Variants in RANBP3L observed in about 807,000 individuals in gnomAD.
The protein encoded by RANBP3L is RAN binding protein 3 like, also known as ran-binding protein 3-like.
A neutral mutation model predicts 67.2 loss-of-function variants in RANBP3L; 56 were observed. The ratio of observed to expected loss-of-function variants is 0.83; its 90% CI spans 0.67 to 1.04. The LOEUF (loss-of-function observed/expected upper bound fraction) is 1.04, where lower values mean the gene tolerates loss of function less well. Ranked by LOEUF, RANBP3L falls within the 50% of genes least tolerant of loss-of-function variation. The pLI, the probability that RANBP3L is intolerant of heterozygous loss-of-function variation, is 0.00. For missense variants in RANBP3L, 496 were observed against 535.5 expected, an observed-to-expected ratio of 0.93 and a Z score of 0.73; for synonymous variants, 164 against 181.4, an observed-to-expected ratio of 0.90 and a Z score of 0.77.
chr5:36,290,337 C>T (rs1366452089), intron 1 of RANBP3L, among the ~76,000 whole-genome samples: 1 of 151,940 alleles, frequency 6.6e-6, no homozygotes, highest in Non-Finnish European at 1.5e-5. Context: ...ATGCCTCAGC[C>T]TCCTGAATAG....
Position 36,247,863 on chromosome 5 carries a change from G to C in RANBP3L, c.*1791C>G, listed in dbSNP as rs1378960687. The stretch of plus-strand genomic sequence containing the variant: ...AAATCGTGCCACTGCACTCCAACCT[G>C]GGTGACAGAGCGAGACTCTGTCTAA... On this transcript the variant is annotated 3_prime_UTR_variant, in exon 14 of 14. Coordinates refer to ENST00000296604, the MANE Select transcript of RANBP3L (RefSeq NM_145000.5). Among the ~76,000 whole-genome samples the C allele has an allele frequency of 6.6e-6, 1 of 152,190 alleles. No homozygotes were observed. Among genetic ancestry groups the C allele is most frequent in the African/African-American group, 2.4e-5 (1 of 41,438 alleles).
intron 13 of RANBP3L, among the ~76,000 whole-genome samples, chr5:36,250,315 A>C (rs913547560): frequency 6.6e-6 from 1 of 151,994 alleles, no homozygotes; most frequent in South Asian, 2.1e-4. Context: ...AGATTTGCTT[A>C]AAGTAGCAAA....
intron 2 of RANBP3L, 123 bp downstream of exon 2, chr5:36,271,130 C>G: frequency 1.5e-6 from 1 of 665,040 alleles, no homozygotes; most frequent in Non-Finnish European, 2.7e-6. Flanking sequence ...TCTGGAGGCA[C>G]TACTCTGCTA....
chr5:36,257,130 C>A (rs1448149245), intron 9 of RANBP3L, 59 bp from the exon 10 acceptor site: 4 of 1,461,362 alleles, frequency 2.7e-6, no homozygotes, highest in African/African-American at 2.8e-5. Context: ...TGTGAAAGTT[C>A]TTTGTTGCCC....
rs1209869779 is a variant in RANBP3L, at chr5:36,297,159, ATG to A, written c.91+4165_91+4166del. Among the ~76,000 whole-genome samples the A allele has an allele frequency of 6.6e-5, 10 of 152,060 alleles. No homozygotes were observed. In the East Asian group the frequency reaches 1.7e-3, roughly 26 times the overall value. On this transcript the variant is annotated intron_variant, in intron 1 of 13. Coordinates refer to ENST00000296604, the MANE Select transcript of RANBP3L (RefSeq NM_145000.5). The stretch of plus-strand genomic sequence containing the variant: ...GATTAATACATATTTTATATATTAT[ATG>A]TGTTATATACTGTATTCTTATGATA...
intron 4 of RANBP3L, chr5:36,268,141 A>G: frequency 8.4e-7 from 1 of 1,190,414 alleles, no homozygotes; most frequent in Non-Finnish European, 1.2e-6. Context: ...ATTAATAAGA[A>G]TGATTTTGAA....
chr5:36,297,316 G>A (rs1174454394), intron 1 of RANBP3L, among the ~76,000 whole-genome samples: 2 of 151,866 alleles, frequency 1.3e-5, no homozygotes, highest in Admixed American at 6.6e-5. Context: ...CTGAGGAGGG[G>A]GAGGAAGAGG....
chr5:36,296,173 GC>G (rs1752203065), intron 1 of RANBP3L, among the ~76,000 whole-genome samples: 1 of 152,150 alleles, frequency 6.6e-6, no homozygotes, highest in Non-Finnish European at 1.5e-5. Context: ...AAAGTACAGA[GC>G]TTTCCTCAAT....
intron 1 of RANBP3L, among the ~76,000 whole-genome samples, chr5:36,282,616 C>G (rs1375354195): frequency 2.0e-5 from 3 of 152,144 alleles, no homozygotes; most frequent in African/African-American, 7.2e-5. Flanking sequence ...TTGTCTTGAG[C>G]CTTTGAGCAC....
intron 1 of RANBP3L, among the ~76,000 whole-genome samples, chr5:36,282,705 G>A (rs1302253173): frequency 5.9e-5 from 9 of 152,162 alleles, no homozygotes; most frequent in African/African-American, 1.9e-4. Flanking sequence ...GTCTTTGGCA[G>A]TCTATTCAGG....
chr5:36,291,402 T>TATG (rs1399409654), intron 1 of RANBP3L, among the ~76,000 whole-genome samples: 1 of 151,710 alleles, frequency 6.6e-6, no homozygotes, highest in Non-Finnish European at 1.5e-5. Flanking sequence ...TATTTATTTT[T>TATG]ATTATTATTA....
intron 1 of RANBP3L, among the ~76,000 whole-genome samples, chr5:36,279,441 T>TACTA (rs1750822658): frequency 6.6e-6 from 1 of 152,146 alleles, no homozygotes; most frequent in South Asian, 2.1e-4. Flanking sequence ...AGCATGACAT[T>TACTA]ACTAACTGTG....
At chr5:36,252,114 G>A (rs188613458) in intron 12 of RANBP3L, among the ~76,000 whole-genome samples, 34 of 151,706 alleles carry the variant, frequency 2.2e-4, no homozygotes, top group Admixed American at 4.6e-4. Context: ...TATTAATTTC[G>A]TTTATATTAG....
Position 36,249,717 on chromosome 5 carries a change from T to C in RANBP3L, c.1355-20A>G, listed in dbSNP as rs746555331. On this transcript the variant is annotated intron_variant, in intron 13 of 13. Coordinates refer to ENST00000296604, the MANE Select transcript of RANBP3L (RefSeq NM_145000.5). ...AAGGATCTGTGATATAAATTTAAAATGTTTTATTATACAATATTATATTTA... is the reference window on the plus strand; with the variant it reads ...AAGGATCTGTGATATAAATTTAAAACGTTTTATTATACAATATTATATTTA... 6.3e-6 allele frequency: 9 copies of C among 1,435,672 alleles called. No individual in the cohort carries two copies. In the African/African-American group the frequency reaches 1.3e-4, roughly 20 times the overall value. 88.9% of individuals were successfully genotyped at this position (1,435,672 alleles called of 1,614,324 possible). A position where few individuals can be genotyped will look rare whatever the true frequency, so the allele number is the denominator to read the frequency against.
intron 6 of RANBP3L, 54 bp from the exon 7 acceptor site, chr5:36,262,096 C>A: frequency 1.2e-6 from 1 of 850,188 alleles, no homozygotes; most frequent in Middle Eastern, 2.3e-4. Context: ...TACTATAGGA[C>A]CATCAGACAA....
In RANBP3L at chr5:36,271,124, G is replaced by A. The variant is rs1750177814; in HGVS notation, c.150+129C>T. ...AAATCCTGACTATATAAATAATCTG[G>A]AGGCACTACTCTGCTAGTAAAGAAC... On this transcript the variant is annotated intron_variant, in intron 2 of 13. Coordinates refer to ENST00000296604, the MANE Select transcript of RANBP3L (RefSeq NM_145000.5). The A allele has an allele frequency of 1.7e-5, 11 of 644,202 alleles. 1 individual carries two copies. In the South Asian group the frequency reaches 2.1e-4, roughly 12 times the overall value. 39.9% of individuals were successfully genotyped at this position (644,202 alleles called of 1,614,324 possible).
In RANBP3L at chr5:36,248,075, G is replaced by A. The variant is rs1004129122; in HGVS notation, c.*1579C>T. 2.6e-5 allele frequency among the ~76,000 whole-genome samples: 4 copies of A among 152,198 alleles called. No individual in the cohort carries two copies. Among genetic ancestry groups the A allele is most frequent in the African/African-American group, 7.2e-5 (3 of 41,530 alleles). Reference sequence around the variant, plus strand: ...GAAAATTTTCTGCTGAGTGTGTTCCGCATCAGAGTCACTCTTCTTGATTTT... The same window carrying A: ...GAAAATTTTCTGCTGAGTGTGTTCCACATCAGAGTCACTCTTCTTGATTTT... On this transcript the variant is annotated 3_prime_UTR_variant, in exon 14 of 14. Coordinates refer to ENST00000296604, the MANE Select transcript of RANBP3L (RefSeq NM_145000.5).
At chr5:36,257,388 TTAA>T (rs962192127) in intron 9 of RANBP3L, 63 bp downstream of exon 9, 23 of 604,280 alleles carry the variant, frequency 3.8e-5, no homozygotes, top group Non-Finnish European at 6.5e-5. Flanking sequence ...AATATTAATG[TTAA>T]TAAATAAAAA....
intron 1 of RANBP3L, among the ~76,000 whole-genome samples, chr5:36,292,716 T>A (rs1246318556): frequency 6.6e-6 from 1 of 151,978 alleles, no homozygotes; most frequent in African/African-American, 2.4e-5. Flanking sequence ...GTTGTAGATA[T>A]GCAGTGTTAT....
Sources: gnomAD v4.1 joint callset for allele counts (sites outside exome capture counted in the v4.1 genomes callset) on GRCh38, gnomAD v4.1.1 for gene constraint, MANE v1.5 for transcripts, NCBI Gene and HGNC (gene_info 2026-07-23, HGNC 2026-07-21) for gene names.